SPTBN1: variants seen among roughly 807,000 people sequenced by gnomAD.
SPTBN1 encodes spectrin beta, non-erythrocytic 1, also known as spectrin beta chain, non-erythrocytic 1.
SPTBN1 carries 32 observed loss-of-function variants against 266.4 expected under a neutral mutation model. The observed-to-expected ratio is 0.12, with a 90% CI of 0.09 to 0.16. SPTBN1 has a LOEUF of 0.16. Among genes scored for constraint, SPTBN1 ranks in the 10% least tolerant of loss-of-function variants. The probability of loss-of-function intolerance (pLI) is 1.00; values close to 1 mark genes in which losing one functional copy is unlikely to be tolerated. For missense variants in SPTBN1, 2,296 were observed against 3,067.1 expected (o/e 0.75, Z 5.94); for synonymous variants, 1,336 against 1,162.2 (o/e 1.15, Z -3.04).
chr2:54,471,225 A>G (rs1348127194), intron 1 of SPTBN1, among the ~76,000 whole-genome samples: 1 of 152,204 alleles, frequency 6.6e-6, no homozygotes, highest in Non-Finnish European at 1.5e-5. Context: ...CTCTACGAAA[A>G]CAAACAAAAA....
At chr2:54,594,829 G>GTTTTTTTTTTTTT in intron 2 of SPTBN1, among the ~76,000 whole-genome samples, 1 of 46,382 alleles carries the variant, frequency 2.2e-5, no homozygotes, top group Non-Finnish European at 3.7e-5. Context: ...CCTCTGGTAA[G>GTTTTTTTTTTTTT]TTTCTTTTTT....
intron 33 of SPTBN1, among the ~76,000 whole-genome samples, chr2:54,665,028 C>T (rs1681281342): frequency 6.6e-6 from 1 of 152,144 alleles, no homozygotes; most frequent in African/African-American, 2.4e-5. Flanking sequence ...TTGTAAAAAG[C>T]CATTAACCAT....
rs1214147493 is a variant in SPTBN1, at chr2:54,533,826, C to G, written c.148+7260C>G. On this transcript the variant is annotated intron_variant, in intron 2 of 35. Coordinates refer to ENST00000356805, the MANE Select transcript of SPTBN1 (RefSeq NM_003128.3). The surrounding 1 kb of genome is among the most constrained non-coding windows in gnomAD (Gnocchi z 4.2). ...TTGGCCTCCCAAAGTGCTGGGATTA[C>G]AGGCGTGAGCCTCCACGCCCGGCCT... Among the ~76,000 whole-genome samples, 1 of 152,164 alleles carries G rather than the reference C, an allele frequency of 6.6e-6. No homozygotes were observed. Among genetic ancestry groups the G allele is most frequent in the Non-Finnish European group, 1.5e-5 (1 of 68,032 alleles).
Position 54,646,504 on chromosome 2 carries a change from C to T in SPTBN1, c.4866+29C>T. 1.4e-6 allele frequency: 2 copies of T among 1,467,090 alleles called. No individual in the cohort carries two copies. The highest frequency in any genetic ancestry group is 9.0e-7 in the Non-Finnish European group (1 of 1,109,958). The allele number at this position is 1,467,090 out of a possible 1,614,324, so 90.9% of individuals were successfully genotyped here. A position where few individuals can be genotyped will look rare whatever the true frequency, so the allele number is the denominator to read the frequency against. On this transcript the variant is annotated intron_variant, in intron 23 of 35. Coordinates refer to ENST00000356805, the MANE Select transcript of SPTBN1 (RefSeq NM_003128.3). This position sits in a 1 kb window ranked among gnomAD's most constrained non-coding sequence, Gnocchi z 4.4. ...AGAGGAGGCGGGAAGCATCCCTGTC[C>T]CAGGAGAGCCTCAGATTCAAACCCT...
At chr2:54,511,204 C>T (rs530420491) in intron 1 of SPTBN1, among the ~76,000 whole-genome samples, 1 of 152,284 alleles carries the variant, frequency 6.6e-6, no homozygotes, top group South Asian at 2.1e-4. Context: ...CTTGTATACT[C>T]ATGTTTAGAT....
chr2:54,642,856 T>C, intron 18 of SPTBN1, 127 bp from the exon 19 acceptor site: 1 of 1,195,340 alleles, frequency 8.4e-7, no homozygotes, highest in Non-Finnish European at 1.2e-6. Context: ...AAGTTAAATA[T>C]TTGGTTGTCT....
intron 4 of SPTBN1, among the ~76,000 whole-genome samples, chr2:54,612,697 CTAGGTTAT>C (rs563847892): frequency 4.7e-4 from 71 of 152,266 alleles, no homozygotes; most frequent in Non-Finnish European, 8.8e-5. Flanking sequence ...GTGGCCAATG[CTAGGTTAT>C]TAGCTTAGAC....
chr2:54,567,236 G>T (rs1215494184), intron 2 of SPTBN1, among the ~76,000 whole-genome samples: 2 of 152,206 alleles, frequency 1.3e-5, no homozygotes, highest in Admixed American at 6.5e-5. Context: ...TGAGGATGGG[G>T]TGGTAGGAAG....
intron 28 of SPTBN1, among the ~76,000 whole-genome samples, chr2:54,655,643 C>G (rs992364468): frequency 6.6e-6 from 1 of 152,196 alleles, no homozygotes; most frequent in Non-Finnish European, 1.5e-5. Flanking sequence ...GTCTTGCTGT[C>G]CCTCTCCTGA....
intron 3 of SPTBN1, among the ~76,000 whole-genome samples, chr2:54,600,789 G>C (rs1676451288): frequency 6.7e-6 from 1 of 149,670 alleles, no homozygotes. Context: ...AGGTCACATG[G>C]ATAGGAGTTA....
chr2:54,575,598 G>A (rs1319351022), intron 2 of SPTBN1, among the ~76,000 whole-genome samples: 4 of 152,280 alleles, frequency 2.6e-5, no homozygotes, highest in East Asian at 1.9e-4. Flanking sequence ...GATATTGAGC[G>A]TTGACATATC....
In SPTBN1 at chr2:54,669,839, A is replaced by G. The variant is rs150549511; in HGVS notation, c.*1270A>G. ...ACAAGCTTTGAAAACTACAGCAAAC[A>G]GTAATAAATGTGACTGTTTTGTAGT... On this transcript the variant is annotated 3_prime_UTR_variant, in exon 36 of 36. Coordinates refer to ENST00000356805, the MANE Select transcript of SPTBN1 (RefSeq NM_003128.3). 86 of 152,392 alleles carry G rather than the reference A, an allele frequency of 5.6e-4. 1 individual carries two copies. The highest frequency in any genetic ancestry group is 1.6e-3 in the African/African-American group (66 of 41,584). The allele number at this position is 152,392 out of a possible 1,614,324, so 9.4% of individuals were successfully genotyped here.
At position 54,671,330 on chromosome 2, in the gene SPTBN1, A is replaced by G. The variant is rs1383335013; in HGVS notation, c.*2761A>G. 2.0e-5 allele frequency: 3 copies of G among 152,222 alleles called. No homozygotes were observed. The highest frequency in any genetic ancestry group is 7.2e-5 in the African/African-American group (3 of 41,418). The allele number at this position is 152,222 out of a possible 1,614,324, so 9.4% of individuals were successfully genotyped here. ...CAGACTGGGTGATGGGCACATTGTC[A>G]TTTCACCAAGTTCCTGGAACTGTTA... is the stretch of plus-strand genomic sequence containing the variant. On this transcript the variant is annotated 3_prime_UTR_variant, in exon 36 of 36. Coordinates refer to ENST00000356805, the MANE Select transcript of SPTBN1 (RefSeq NM_003128.3).
chr2:54,668,675 G>T lies in SPTBN1; in HGVS notation c.*106G>T. The T allele has an allele frequency of 2.9e-6, 3 of 1,020,906 alleles. No homozygotes were observed. Among genetic ancestry groups the T allele is most frequent in the Non-Finnish European group, 2.8e-6 (2 of 726,208 alleles). 63.2% of individuals were successfully genotyped at this position (1,020,906 alleles called of 1,614,324 possible). A position where few individuals can be genotyped will look rare whatever the true frequency, so the allele number is the denominator to read the frequency against. On this transcript the variant is annotated 3_prime_UTR_variant, in exon 36 of 36. Transcript: ENST00000356805. Reference sequence around the variant, plus strand: ...CTCTGTGCCTAATGTTCCTCAATGTGGTTGATTTTTTTTTTTTTTTAATTT... The same window carrying T: ...CTCTGTGCCTAATGTTCCTCAATGTTGTTGATTTTTTTTTTTTTTTAATTT...
chr2:54,523,921 C>A (rs1013101108), intron 1 of SPTBN1, among the ~76,000 whole-genome samples: 2 of 152,138 alleles, frequency 1.3e-5, no homozygotes, highest in African/African-American at 2.4e-5. Context: ...TGATAACAGC[C>A]GGGCATGGTG....
intron 1 of SPTBN1, among the ~76,000 whole-genome samples, chr2:54,468,037 G>A (rs1031203391): frequency 3.9e-5 from 6 of 152,088 alleles, no homozygotes; most frequent in African/African-American, 1.2e-4. Context: ...GGCCAGGTGC[G>A]GTGGCTCACG....
In SPTBN1 at chr2:54,624,665, A is replaced by G. The variant is rs1678211532; in HGVS notation, c.1183-139A>G. 5.5e-6 allele frequency: 7 copies of G among 1,269,156 alleles called. No individual in the cohort carries two copies. The Admixed American group carries it at 9.8e-5, about 18-fold the overall frequency. The allele number at this position is 1,269,156 out of a possible 1,614,324, so 78.6% of individuals were successfully genotyped here. On this transcript the variant is annotated intron_variant, in intron 10 of 35. Coordinates refer to ENST00000356805, the MANE Select transcript of SPTBN1 (RefSeq NM_003128.3). ...TTTTTTTCCTCAAGGCTTGAGAGTC[A>G]GTGAGAGTGGGAATGGGATTTCCCA... is the stretch of plus-strand genomic sequence containing the variant.
At chr2:54,527,741 A>G (rs1168577350) in intron 2 of SPTBN1, 2 of 152,192 alleles carry the variant, frequency 1.3e-5, no homozygotes, top group African/African-American at 2.4e-5. Context: ...AGAAAAGAGG[A>G]TGCTTTTCTG....
At chr2:54,638,900 G>A (rs117245671) in intron 18 of SPTBN1, among the ~76,000 whole-genome samples, 8 of 152,326 alleles carry the variant, frequency 5.3e-5, no homozygotes, top group South Asian at 2.1e-4. Flanking sequence ...TGACAGCTGC[G>A]TTAGATCACG....
Sources: gnomAD v4.1 joint callset for allele counts (sites outside exome capture counted in the v4.1 genomes callset) on GRCh38, gnomAD v4.1.1 for gene constraint, Gnocchi (gnomAD v3.1) non-coding constraint, MANE v1.5 for transcripts, NCBI Gene and HGNC (gene_info 2026-07-23, HGNC 2026-07-21) for gene names.